PPP3CA: variants seen among roughly 807,000 people sequenced by gnomAD.
PPP3CA encodes CAM-PRP catalytic subunit.
Under a neutral mutation model 66.5 loss-of-function variants are expected in PPP3CA, and 14 were observed. The ratio of observed to expected loss-of-function variants is 0.21; its 90% CI spans 0.14 to 0.33. The LOEUF is 0.33. Ranked by LOEUF, PPP3CA falls within the 10% of genes least tolerant of loss-of-function variation. The probability of loss-of-function intolerance (pLI) is 1.00; values close to 1 mark genes in which losing one functional copy is unlikely to be tolerated. For missense variants in PPP3CA, 317 were observed against 639.5 expected, an observed-to-expected ratio of 0.50 and a Z score of 5.44; for synonymous variants, 232 against 226.2, an observed-to-expected ratio of 1.03 and a Z score of -0.23.
chr4:101,214,205 C>T (rs577053547), intron 1 of PPP3CA, among the ~76,000 whole-genome samples: 6 of 152,198 alleles, frequency 3.9e-5, no homozygotes, highest in South Asian at 2.1e-4. Flanking sequence ...TCTAAGACTC[C>T]GATTACATGT....
chr4:101,152,528 T>C (rs553829890), intron 2 of PPP3CA, among the ~76,000 whole-genome samples: 1 of 152,352 alleles, frequency 6.6e-6, no homozygotes, highest in African/African-American at 2.4e-5. Flanking sequence ...TGTCATAGGC[T>C]ACTAACAAAG....
chr4:101,083,206 G>A lies in PPP3CA; in HGVS notation c.840C>T (p.Ala280=). The change falls in exon 7 of 14, where the codon GCC becomes GCT. Residue 280 remains alanine (A), a synonymous_variant. Coordinates refer to ENST00000394854, the MANE Select transcript of PPP3CA (RefSeq NM_000944.5). ...CTCACCCTGCATCTTGGGCTTCGTG[G>A]GCTCGGAGTATAGATAACAAGTTAT... ...QHNNLLSILR[A]HEAQDAGYRM... The A allele has an allele frequency of 1.9e-6, 3 of 1,596,180 alleles. No individual in the cohort carries two copies. Among genetic ancestry groups the A allele is most frequent in the Non-Finnish European group, 2.6e-6 (3 of 1,170,496 alleles).
intron 1 of PPP3CA, among the ~76,000 whole-genome samples, chr4:101,303,843 AT>A (rs925349503): frequency 8.5e-5 from 13 of 152,326 alleles, no homozygotes; most frequent in Non-Finnish European, 1.9e-4. Context: ...ATTTGATGGG[AT>A]AAAAATGACA....
intron 11 of PPP3CA, among the ~76,000 whole-genome samples, chr4:101,038,533 C>A (rs967748837): frequency 3.3e-5 from 5 of 152,032 alleles, no homozygotes; most frequent in South Asian, 2.1e-4. Flanking sequence ...CCATGCCCGG[C>A]TAATTTTCGT....
chr4:101,190,946 G>C (rs996860263), intron 2 of PPP3CA, among the ~76,000 whole-genome samples: 1 of 152,112 alleles, frequency 6.6e-6, no homozygotes, highest in South Asian at 2.1e-4. Context: ...GTAGTCACGG[G>C]AACAAAAGCC....
intron 2 of PPP3CA, among the ~76,000 whole-genome samples, chr4:101,139,119 T>C (rs1263152960): frequency 2.6e-5 from 4 of 151,968 alleles, no homozygotes; most frequent in Non-Finnish European, 5.9e-5. Context: ...CTGAGGCAGG[T>C]GGATCACAAC....
intron 2 of PPP3CA, among the ~76,000 whole-genome samples, chr4:101,115,058 T>C (rs1721797844): frequency 1.3e-5 from 2 of 151,962 alleles, no homozygotes; most frequent in African/African-American, 4.8e-5. Context: ...CCAGGAGTCA[T>C]TAAACAGAAG....
chr4:101,081,230 A>G (rs1729426991), intron 7 of PPP3CA, among the ~76,000 whole-genome samples: 1 of 152,090 alleles, frequency 6.6e-6, no homozygotes, highest in Non-Finnish European at 1.5e-5. Context: ...GCCTAGACTA[A>G]GTAATTTTCT....
chr4:101,138,438 T>A (rs1402146396), intron 2 of PPP3CA, among the ~76,000 whole-genome samples: 1 of 152,222 alleles, frequency 6.6e-6, no homozygotes, highest in Non-Finnish European at 1.5e-5. Context: ...TAGGTTTATA[T>A]AAATGGTAGC....
intron 1 of PPP3CA, among the ~76,000 whole-genome samples, chr4:101,242,686 G>A (rs1726351395): frequency 6.6e-6 from 1 of 152,098 alleles, no homozygotes; most frequent in Admixed American, 6.6e-5. Flanking sequence ...AATTTTGGGA[G>A]GCTAAGAAGG....
chr4:101,144,707 A>C (rs1358085499), intron 2 of PPP3CA, among the ~76,000 whole-genome samples: 1 of 152,220 alleles, frequency 6.6e-6, no homozygotes, highest in Non-Finnish European at 1.5e-5. Flanking sequence ...TCCTATAAAT[A>C]TAAATGATCA....
intron 3 of PPP3CA, among the ~76,000 whole-genome samples, chr4:101,108,436 T>C (rs1345873293): frequency 6.6e-6 from 1 of 152,210 alleles, no homozygotes; most frequent in African/African-American, 2.4e-5. Flanking sequence ...AGGCAAAATC[T>C]TACTATTTAC....
intron 1 of PPP3CA, among the ~76,000 whole-genome samples, chr4:101,222,066 G>A (rs112469939): frequency 6.6e-6 from 1 of 151,382 alleles, no homozygotes; most frequent in Non-Finnish European, 1.5e-5. Flanking sequence ...AAAATAACTT[G>A]TATTTAAATT....
At chr4:101,305,749 A>T (rs1012080585) in intron 1 of PPP3CA, among the ~76,000 whole-genome samples, 1 of 152,188 alleles carries the variant, frequency 6.6e-6, no homozygotes, top group Non-Finnish European at 1.5e-5. Flanking sequence ...TCCTATTTCA[A>T]ATGCAGAAAA....
intron 2 of PPP3CA, among the ~76,000 whole-genome samples, chr4:101,160,544 A>G (rs1312002474): frequency 2.0e-5 from 3 of 152,126 alleles, no homozygotes; most frequent in Non-Finnish European, 4.4e-5. Context: ...ATACTCGAGA[A>G]GCAAAACAAG....
At chr4:101,307,168 CAAA>C (rs1331785893) in intron 1 of PPP3CA, among the ~76,000 whole-genome samples, 17 of 77,252 alleles carry the variant, frequency 2.2e-4, no homozygotes, top group Admixed American at 2.8e-4. Context: ...CACTTTGAAC[CAAA>C]AAAAAAAAAA....
intron 2 of PPP3CA, among the ~76,000 whole-genome samples, chr4:101,152,880 G>GA (rs892453409): frequency 5.9e-5 from 9 of 151,712 alleles, no homozygotes; most frequent in East Asian, 1.9e-4. Context: ...AAAAGAAAAG[G>GA]AAAAAAAACG....
chr4:101,038,891 CAT>C (rs755415781), intron 11 of PPP3CA, among the ~76,000 whole-genome samples: 57 of 152,274 alleles, frequency 3.7e-4, no homozygotes, highest in Admixed American at 1.8e-3. Flanking sequence ...TTTCTATTAA[CAT>C]GTGCAATTTT....
In PPP3CA at chr4:101,076,275, T is replaced by C. The variant is rs554602970; in HGVS notation, c.955+4257A>G. Among the ~76,000 whole-genome samples, 9 of 150,684 alleles carry C rather than the reference T, an allele frequency of 6.0e-5. 1 individual carries two copies. The South Asian group carries it at 1.9e-3, about 32-fold the overall frequency. ...GATCTGTGGGTCAATATTGATAGGATACTTCTGGTCACAGTCTTGCTGTTA... is the reference window on the plus strand; with the variant it reads ...GATCTGTGGGTCAATATTGATAGGACACTTCTGGTCACAGTCTTGCTGTTA... On this transcript the variant is annotated intron_variant, in intron 8 of 13. Transcript: ENST00000394854.
Sources: allele counts gnomAD v4.1 joint callset (sites outside exome capture counted in the v4.1 genomes callset), GRCh38; gene constraint gnomAD v4.1.1; transcripts MANE v1.5; gene names NCBI Gene and HGNC (gene_info 2026-07-23, HGNC 2026-07-21).